PUS10: variants seen among roughly 807,000 people sequenced by gnomAD.
PUS10 encodes pseudouridine synthase 10.
PUS10 carries 59 observed loss-of-function variants against 75.0 expected under a neutral mutation model. That is an observed-to-expected ratio of 0.79 (90% CI 0.64 to 0.98). The LOEUF (loss-of-function observed/expected upper bound fraction) is 0.98. Among genes scored for constraint, PUS10 ranks in the 50% least tolerant of loss-of-function variants. The pLI is 0.00. For missense variants in PUS10, 650 were observed against 614.4 expected (o/e 1.06, Z -0.61); for synonymous variants, 219 against 211.6 (o/e 1.03, Z -0.30).
chr2:60,958,965 C>T (rs371125654), intron 11 of PUS10, among the ~76,000 whole-genome samples: 13 of 152,286 alleles, frequency 8.5e-5, no homozygotes, highest in East Asian at 1.9e-4. Flanking sequence ...TTTTTCCTGA[C>T]GTGTAACACC....
At chr2:60,996,366 T>C (rs1459633407) in intron 4 of PUS10, among the ~76,000 whole-genome samples, 4 of 152,192 alleles carry the variant, frequency 2.6e-5, no homozygotes, top group Non-Finnish European at 5.9e-5. Context: ...ATCCTAGTAG[T>C]GTATCACGTA....
chr2:61,010,701 A>G (rs1243339586), intron 2 of PUS10: 2 of 1,420,372 alleles, frequency 1.4e-6, no homozygotes, highest in East Asian at 2.5e-5. Context: ...GGGTATTATC[A>G]TCATTCCCAT....
rs1680138087 is a variant in PUS10, at chr2:61,018,127, C to T, written c.-135G>A. On this transcript the variant is annotated 5_prime_UTR_variant, in exon 1 of 18. Coordinates refer to ENST00000316752, the MANE Select transcript of PUS10 (RefSeq NM_144709.4). The stretch of plus-strand genomic sequence containing the variant: ...CTGTGCTTGAAAGAAAGGGGGGCGG[C>T]TTCCTACCTACCGCTTCTGTTTTCA... The T allele has an allele frequency of 1.3e-6, 2 of 1,548,858 alleles. No homozygotes were observed. Among genetic ancestry groups the T allele is most frequent in the Non-Finnish European group, 1.7e-6 (2 of 1,146,124 alleles).
At chr2:60,947,108 A>G (rs1330051422) in intron 16 of PUS10, among the ~76,000 whole-genome samples, 1 of 152,218 alleles carries the variant, frequency 6.6e-6, no homozygotes, top group African/African-American at 2.4e-5. Context: ...CTTGGACTAT[A>G]GATATTTTAA....
chr2:60,998,673 G>C (rs533192113), intron 4 of PUS10: 2 of 150,904 alleles, frequency 1.3e-5, no homozygotes, highest in African/African-American at 4.9e-5. Flanking sequence ...CTGGGTGACA[G>C]AGTGAGACTT....
At chr2:61,006,677 G>A (rs752403872) in intron 3 of PUS10, 34 bp from the exon 4 acceptor site, 5 of 1,516,792 alleles carry the variant, frequency 3.3e-6, no homozygotes, top group Admixed American at 1.8e-5. Flanking sequence ...AAATTCCCAG[G>A]AATTGCTGAA....
chr2:60,976,352 C>T (rs753505756), intron 4 of PUS10, among the ~76,000 whole-genome samples: 7 of 152,222 alleles, frequency 4.6e-5, no homozygotes, highest in Non-Finnish European at 8.8e-5. Context: ...CCTCCCTCTT[C>T]AATGAAATCT....
chr2:60,968,174 A>C (rs1019914102), intron 5 of PUS10, among the ~76,000 whole-genome samples: 2 of 152,192 alleles, frequency 1.3e-5, no homozygotes, highest in African/African-American at 4.8e-5. Context: ...TAGCTGAATA[A>C]AAATTTGACA....
At chr2:61,003,466 A>G (rs1039199793) in intron 4 of PUS10, among the ~76,000 whole-genome samples, 3 of 151,930 alleles carry the variant, frequency 2.0e-5, no homozygotes, top group Admixed American at 1.3e-4. Context: ...TGTCTCAAAA[A>G]AAAAAAAAAA....
Position 60,948,097 on chromosome 2 carries a change from G to C in PUS10, c.1397C>G (p.Thr466Arg). ...GAAGTGGTGCTCATCCACGTACTGTGTCTCCATGAAGTGAATGACGCGAGC... is the reference window on the plus strand; with the variant it reads ...GAAGTGGTGCTCATCCACGTACTGTCTCTCCATGAAGTGAATGACGCGAGC... ...VRARVIHFME[T>R]QYVDEHHFRL... is the part of the protein sequence containing the mutation. The change falls in exon 16 of 18, where the codon ACA becomes AGA. Residue 466 changes from threonine to arginine, a missense_variant. Thr to Arg is a moderately conservative substitution (Grantham distance 71). Coordinates refer to ENST00000316752, the MANE Select transcript of PUS10 (RefSeq NM_144709.4). The C allele has an allele frequency of 6.2e-7, 1 of 1,614,108 alleles. No individual in the cohort carries two copies. The highest frequency in any genetic ancestry group is 8.5e-7 in the Non-Finnish European group (1 of 1,180,000).
chr2:60,951,578 T>A (rs1041637669), intron 15 of PUS10, among the ~76,000 whole-genome samples: 2 of 152,158 alleles, frequency 1.3e-5, no homozygotes, highest in Non-Finnish European at 2.9e-5. Flanking sequence ...CGAGGGTTCG[T>A]GCTTTTATAA....
chr2:60,972,515 A>G (rs1676754084), intron 4 of PUS10, among the ~76,000 whole-genome samples: 1 of 152,148 alleles, frequency 6.6e-6, no homozygotes, highest in African/African-American at 2.4e-5. Context: ...AATGCTTTGC[A>G]TAGTAAGTGA....
chr2:61,006,460 A>C (rs538313375), intron 4 of PUS10, 97 bp downstream of exon 4: 2 of 904,628 alleles, frequency 2.2e-6, no homozygotes, highest in African/African-American at 1.7e-5. Context: ...AAAATGTAAA[A>C]AATATAATAG....
rs1485400258 is a variant in PUS10, at chr2:61,008,924, A to C, written c.218T>G (p.Leu73Arg). The C allele has an allele frequency of 6.2e-7, 1 of 1,613,772 alleles. No homozygotes were observed. Among genetic ancestry groups the C allele is most frequent in the Non-Finnish European group, 8.5e-7 (1 of 1,179,856 alleles). The change falls in exon 3 of 18, where the codon CTG becomes CGG. Residue 73 changes from leucine (L) to arginine (R), a missense_variant. Coordinates refer to ENST00000316752, the MANE Select transcript of PUS10 (RefSeq NM_144709.4). The stretch of plus-strand genomic sequence containing the variant: ...ATCAATACTATCTTCCAGTTCTTGC[A>C]GTCGAATTTTCTTGGGAGGTGGGTT... ...VMNPPPKKIR[L>R]QELEDSIDNL...
At chr2:61,016,018 G>A (rs1295601546) in intron 1 of PUS10, among the ~76,000 whole-genome samples, 2 of 152,054 alleles carry the variant, frequency 1.3e-5, no homozygotes, top group Middle Eastern at 3.2e-3. Flanking sequence ...CACTTTAAAA[G>A]GACACTTAAT....
At chr2:60,964,530 C>T (rs1036490198) in intron 8 of PUS10, among the ~76,000 whole-genome samples, 4 of 152,110 alleles carry the variant, frequency 2.6e-5, no homozygotes, top group African/African-American at 9.7e-5. Flanking sequence ...GATTAGCTAA[C>T]ATTAAGATGA....
intron 4 of PUS10, among the ~76,000 whole-genome samples, chr2:60,997,117 G>A (rs1030487826): frequency 3.3e-5 from 5 of 152,114 alleles, no homozygotes; most frequent in African/African-American, 7.2e-5. Flanking sequence ...CAAGTTCTTG[G>A]AGTTACCTTT....
intron 3 of PUS10, 78 bp downstream of exon 3, chr2:61,008,683 G>C: frequency 8.4e-7 from 1 of 1,188,056 alleles, no homozygotes; most frequent in African/African-American, 1.5e-5. Flanking sequence ...TTGAAAAAAG[G>C]AAAGAAAAAA....
chr2:60,968,875 T>A (rs1676499898), intron 5 of PUS10, among the ~76,000 whole-genome samples: 1 of 152,184 alleles, frequency 6.6e-6, no homozygotes, highest in East Asian at 1.9e-4. Context: ...CTGTGTGAGC[T>A]TCATAAACTG....
Sources: gnomAD v4.1 joint callset for allele counts (sites outside exome capture counted in the v4.1 genomes callset) on GRCh38, gnomAD v4.1.1 for gene constraint, MANE v1.5 for transcripts, NCBI Gene and HGNC (gene_info 2026-07-23, HGNC 2026-07-21) for gene names.